The following RBM25 variants were observed in gnomAD, a reference collection of about 807,000 sequenced individuals.
RBM25 encodes RNA-binding protein 25.
A neutral mutation model predicts 120.7 loss-of-function variants in RBM25; 19 were observed. That is an observed-to-expected ratio of 0.16 (90% CI 0.11 to 0.23). The LOEUF (loss-of-function observed/expected upper bound fraction) is 0.23. RBM25 is among the 10% of genes least tolerant of loss of function. The probability of loss-of-function intolerance (pLI) is 1.00; values close to 1 mark genes in which losing one functional copy is unlikely to be tolerated. For synonymous variants in RBM25, 390 were observed against 326.7 expected (o/e 1.19, Z -2.09); for missense variants, 605 against 1,041.5 (o/e 0.58, Z 5.77).
chr14:73,071,810 T>C, intron 2 of RBM25, 63 bp downstream of exon 2: 3 of 1,329,904 alleles, frequency 2.3e-6, no homozygotes, highest in Non-Finnish European at 3.2e-6. Context: ...GATACTAACT[T>C]CAGGAAAATG....
At chr14:73,106,337 A>G (rs751029310) in intron 12 of RBM25, 52 bp downstream of exon 12, 55 of 1,381,334 alleles carry the variant, frequency 4.0e-5, no homozygotes, top group East Asian at 9.3e-5. Flanking sequence ...GTCAGATTGT[A>G]TCTTTACTGC....
At chr14:73,108,466 A>G (rs926904061) in intron 13 of RBM25, among the ~76,000 whole-genome samples, 1 of 152,168 alleles carries the variant, frequency 6.6e-6, no homozygotes, top group East Asian at 1.9e-4. Flanking sequence ...CTCCAAATTG[A>G]TACATTATTG....
chr14:73,077,609 AC>A, intron 4 of RBM25, 73 bp downstream of exon 4: 1 of 1,331,256 alleles, frequency 7.5e-7, no homozygotes, highest in Non-Finnish European at 1.0e-6. Context: ...CAGAAAGAAG[AC>A]TTTCAGTGAT....
At chr14:73,119,669 T>G in intron 18 of RBM25, 44 bp from the exon 19 acceptor site, 1 of 1,606,014 alleles carries the variant, frequency 6.2e-7, no homozygotes, top group Non-Finnish European at 8.5e-7. Flanking sequence ...CAGATGTTGA[T>G]GATTGCTTCT....
intron 4 of RBM25, among the ~76,000 whole-genome samples, chr14:73,078,511 ATAT>A (rs1374693590): frequency 6.6e-6 from 1 of 152,118 alleles, no homozygotes; most frequent in African/African-American, 2.4e-5. Context: ...AATTGATATA[ATAT>A]TGTTAACTAA....
intron 5 of RBM25, among the ~76,000 whole-genome samples, chr14:73,084,907 G>A (rs535651280): frequency 5.3e-5 from 8 of 151,882 alleles, no homozygotes; most frequent in African/African-American, 1.9e-4. Flanking sequence ...TACTATAAAG[G>A]TAGTATTCTT....
intron 6 of RBM25, 26 bp from the exon 7 acceptor site, chr14:73,096,889 C>T: frequency 6.3e-7 from 1 of 1,595,606 alleles, no homozygotes. Flanking sequence ...ATTTTTCTTT[C>T]CCCTGAATTT....
At chr14:73,090,962 A>G (rs964192366) in intron 6 of RBM25, among the ~76,000 whole-genome samples, 1 of 152,226 alleles carries the variant, frequency 6.6e-6, no homozygotes, top group African/African-American at 2.4e-5. Flanking sequence ...AAAAACAGAA[A>G]TGTTTGAAAT....
At chr14:73,111,338 C>T (rs1301835311) in intron 15 of RBM25, 183 bp downstream of exon 15, 5 of 838,194 alleles carry the variant, frequency 6.0e-6, no homozygotes, top group Non-Finnish European at 9.0e-6. Context: ...TCTGCAGCTG[C>T]CTCGAGTTCT....
chr14:73,103,137 A>T (rs573042017), intron 9 of RBM25, 55 bp from the exon 10 acceptor site: 1 of 1,561,692 alleles, frequency 6.4e-7, no homozygotes, highest in Non-Finnish European at 8.6e-7. Flanking sequence ...GCCGGGAAAA[A>T]TCTGAATACT....
chr14:73,105,482 C>T (rs1020777618), intron 10 of RBM25, among the ~76,000 whole-genome samples: 3 of 152,114 alleles, frequency 2.0e-5, no homozygotes, highest in Admixed American at 6.6e-5. Flanking sequence ...ATTCATTAGT[C>T]CTTCATATTT....
At chr14:73,096,783 A>G (rs1309216943) in intron 6 of RBM25, 132 bp from the exon 7 acceptor site, 1 of 705,922 alleles carries the variant, frequency 1.4e-6, no homozygotes, top group South Asian at 2.0e-5. Context: ...TAAGAACAAA[A>G]CCAATTCTGT....
At chr14:73,087,884 A>G (rs1714267749) in intron 5 of RBM25, 117 bp from the exon 6 acceptor site, 6 of 965,190 alleles carry the variant, frequency 6.2e-6, no homozygotes, top group Non-Finnish European at 1.5e-6. Context: ...GGGTGGAATT[A>G]TGAATTGAGT....
At chr14:73,078,924 G>C (rs1895489999) in intron 4 of RBM25, among the ~76,000 whole-genome samples, 1 of 152,156 alleles carries the variant, frequency 6.6e-6, no homozygotes, top group African/African-American at 2.4e-5. Flanking sequence ...TTTTGAGACT[G>C]TGAGTCCTTT....
chr14:73,079,949 A>G (rs1214312173), intron 4 of RBM25, among the ~76,000 whole-genome samples: 1 of 150,418 alleles, frequency 6.6e-6, no homozygotes, highest in East Asian at 1.9e-4. Context: ...CTCTGCTCTA[A>G]TGGAATTCAG....
At chr14:73,073,595 G>C (rs1005665836) in intron 2 of RBM25, among the ~76,000 whole-genome samples, 6 of 152,138 alleles carry the variant, frequency 3.9e-5, no homozygotes, top group Non-Finnish European at 8.8e-5. Flanking sequence ...GGCTGAGGCA[G>C]GAGAATCGCT....
chr14:73,113,683 ACT>A (rs1052501231), intron 17 of RBM25, among the ~76,000 whole-genome samples: 12 of 151,728 alleles, frequency 7.9e-5, no homozygotes, highest in Non-Finnish European at 1.5e-4. Context: ...CAAGAGTGAG[ACT>A]CTGTCTCAAA....
At chr14:73,077,095 A>G (rs1018967990) in intron 3 of RBM25, among the ~76,000 whole-genome samples, 1 of 152,224 alleles carries the variant, frequency 6.6e-6, no homozygotes, top group Admixed American at 6.5e-5. Context: ...AATAAAAGTA[A>G]AAATTATGTC....
intron 17 of RBM25, among the ~76,000 whole-genome samples, 171 bp from the exon 18 acceptor site, chr14:73,114,115 T>C (rs1896373749): frequency 6.6e-6 from 1 of 151,540 alleles, no homozygotes; most frequent in African/African-American, 2.5e-5. Context: ...TTCCAGGTTT[T>C]GGTGCCTCTT....
Sources: gnomAD v4.1 joint callset for allele counts (sites outside exome capture counted in the v4.1 genomes callset) on GRCh38, gnomAD v4.1.1 for gene constraint, MANE v1.5 for transcripts, NCBI Gene and HGNC (gene_info 2026-07-23, HGNC 2026-07-21) for gene names.